Variants in ARHGAP28 observed in about 807,000 individuals in gnomAD.
The protein encoded by ARHGAP28 is Rho GTPase activating protein 28.
In ARHGAP28, 56 loss-of-function variants were observed where a neutral mutation model predicts 90.7. That is an observed-to-expected ratio of 0.62 (90% CI 0.50 to 0.77). The LOEUF (loss-of-function observed/expected upper bound fraction) is 0.77, where lower values mean the gene tolerates loss of function less well. ARHGAP28 is among the 30% of genes least tolerant of loss of function. The pLI is 0.00. For synonymous variants in ARHGAP28, 308 were observed against 323.3 expected, an observed-to-expected ratio of 0.95 and a Z score of 0.51; for missense variants, 869 against 900.9, an observed-to-expected ratio of 0.96 and a Z score of 0.45.
At chr18:6,748,696 TAGTCATTTCTCA>T (rs1266414702) in intron 1 of ARHGAP28, among the ~76,000 whole-genome samples, 4 of 152,256 alleles carry the variant, frequency 2.6e-5, no homozygotes, top group African/African-American at 9.6e-5. Context: ...TACTGTCTTC[TAGTCATTTCTCA>T]AGGAAGACAG....
rs750336492 is a variant in ARHGAP28 at position 6,908,919 on chromosome 18, GA to G, written c.2031-36del. 7 of 1,271,612 alleles carry G rather than the reference GA, an allele frequency of 5.5e-6. No individual in the cohort carries two copies. In the East Asian group the frequency reaches 1.4e-4, roughly 26 times the overall value. The allele number at this position is 1,271,612 out of a possible 1,614,324, so 78.8% of individuals were successfully genotyped here. On this transcript the variant is annotated intron_variant, in intron 16 of 17. Transcript: ENST00000383472. ...AACATGCATTTTTACCTCAGATCAG[GA>G]AAAAGTACTAAAATTATATTATTTT...
At position 6,877,994 on chromosome 18, in the gene ARHGAP28, A is replaced by G. The variant is rs970571018; in HGVS notation, c.1290+1786A>G. ...TATGTGCATGTGTGTGTGTGTATGT[A>G]TGTGCCTGTGTACACATGCATGCAT... On this transcript the variant is annotated intron_variant, in intron 10 of 17. Coordinates refer to ENST00000383472, the MANE Select transcript of ARHGAP28 (RefSeq NM_001366230.1). 3.9e-5 allele frequency among the ~76,000 whole-genome samples: 6 copies of G among 151,966 alleles called. 1 individual carries two copies. The highest frequency in any genetic ancestry group is 2.0e-4 in the Admixed American group (3 of 15,246).
chr18:6,888,158 C>T (rs2057236706), intron 12 of ARHGAP28, among the ~76,000 whole-genome samples: 1 of 152,118 alleles, frequency 6.6e-6, no homozygotes, highest in South Asian at 2.1e-4. Context: ...TATAGTAGAA[C>T]ATTTGATAGA....
intron 1 of ARHGAP28, among the ~76,000 whole-genome samples, chr18:6,801,227 T>C (rs929764696): frequency 1.3e-5 from 2 of 152,198 alleles, no homozygotes; most frequent in African/African-American, 4.8e-5. Flanking sequence ...TTTTTTTGCA[T>C]GTGAATTTCT....
chr18:6,839,373 A>G (rs976755343), intron 3 of ARHGAP28, among the ~76,000 whole-genome samples: 6 of 148,892 alleles, frequency 4.0e-5, no homozygotes, highest in African/African-American at 1.5e-4. Flanking sequence ...GGCTCACTGC[A>G]AGCTCCGCCT....
At chr18:6,753,179 A>AT (rs1367823021) in intron 1 of ARHGAP28, among the ~76,000 whole-genome samples, 2 of 152,086 alleles carry the variant, frequency 1.3e-5, no homozygotes, top group African/African-American at 2.4e-5. Flanking sequence ...TTTATTTTGT[A>AT]TTTTTTTAAG....
At chr18:6,879,679 C>G (rs2057161923) in intron 10 of ARHGAP28, among the ~76,000 whole-genome samples, 1 of 152,220 alleles carries the variant, frequency 6.6e-6, no homozygotes, top group Non-Finnish European at 1.5e-5. Flanking sequence ...GTGGGATTCC[C>G]ATAGTAATGA....
At chr18:6,839,741 A>G (rs531728236) in intron 3 of ARHGAP28, among the ~76,000 whole-genome samples, 12 of 152,274 alleles carry the variant, frequency 7.9e-5, no homozygotes, top group Admixed American at 5.9e-4. Context: ...TTTATTGACA[A>G]ATTTGTTTCA....
At chr18:6,902,296 A>G (rs1354314811) in intron 16 of ARHGAP28, among the ~76,000 whole-genome samples, 1 of 152,214 alleles carries the variant, frequency 6.6e-6, no homozygotes, top group Non-Finnish European at 1.5e-5. Flanking sequence ...CAAATGTACT[A>G]TATTAATATT....
intron 1 of ARHGAP28, among the ~76,000 whole-genome samples, chr18:6,757,171 AT>A (rs1375335887): frequency 6.6e-6 from 1 of 152,256 alleles, no homozygotes; most frequent in Non-Finnish European, 1.5e-5. Context: ...GACCTGCTTA[AT>A]AGTTATCACA....
In ARHGAP28 at chr18:6,837,302, C is replaced by T. The variant is rs942558796; in HGVS notation, c.431C>T (p.Thr144Ile). Residue 144 changes from threonine (T) to isoleucine (I), a missense_variant, in exon 3 of 18, where the codon ACC becomes ATC. Coordinates refer to ENST00000383472, the MANE Select transcript of ARHGAP28 (RefSeq NM_001366230.1). ...GKALLSTLTRTQAAAVQKRYH... is the reference protein window; with the variant it reads ...GKALLSTLTRIQAAAVQKRYH... ...GCCTTGCTCTCCACATTGACTCGAA[C>T]CCAAGCAGCTGCCGTGCAAAAGAGA... The T allele has an allele frequency of 6.2e-7, 1 of 1,613,072 alleles. No homozygotes were observed. Among genetic ancestry groups the T allele is most frequent in the Non-Finnish European group, 8.5e-7 (1 of 1,179,640 alleles).
chr18:6,784,412 A>C (rs1165689628), intron 1 of ARHGAP28, among the ~76,000 whole-genome samples: 1 of 152,082 alleles, frequency 6.6e-6, no homozygotes, highest in African/African-American at 2.4e-5. Context: ...TCTGAATGTA[A>C]TCGCTTTCAT....
chr18:6,753,153 A>T (rs1172006860), intron 1 of ARHGAP28, among the ~76,000 whole-genome samples: 1 of 152,188 alleles, frequency 6.6e-6, no homozygotes, highest in African/African-American at 2.4e-5. Flanking sequence ...ACCCAGTTTG[A>T]AATGGTACCA....
Position 6,870,799 on chromosome 18 carries a change from C to A in ARHGAP28, c.954+67C>A. ...ACTTCATAGGACAAAACTAAGATTTCTTTTTCTTTTTTTTTTTTGAGACGG... is the reference window on the plus strand; with the variant it reads ...ACTTCATAGGACAAAACTAAGATTTATTTTTCTTTTTTTTTTTTGAGACGG... On this transcript the variant is annotated intron_variant, in intron 7 of 17. Transcript: ENST00000383472. 6.8e-6 allele frequency: 10 copies of A among 1,469,026 alleles called. No homozygotes were observed. In the South Asian group the frequency reaches 1.3e-4, roughly 19 times the overall value. 91.0% of individuals were successfully genotyped at this position (1,469,026 alleles called of 1,614,324 possible).
At position 6,913,483 on chromosome 18, in the gene ARHGAP28, A is replaced by G. The variant is rs1358124825; in HGVS notation, c.*1329A>G. ...TTTTGATGAATTTATATTGGTTTTA[A>G]TGAGACCCAAATGACTCTCTCTTAA... is the stretch of plus-strand genomic sequence containing the variant. On this transcript the variant is annotated 3_prime_UTR_variant, in exon 18 of 18. Coordinates refer to ENST00000383472, the MANE Select transcript of ARHGAP28 (RefSeq NM_001366230.1). 6.6e-6 allele frequency: 1 copy of G among 152,138 alleles called. No homozygotes were observed. The highest frequency in any genetic ancestry group is 1.9e-4 in the East Asian group (1 of 5,192). 9.4% of individuals were successfully genotyped at this position (152,138 alleles called of 1,614,324 possible). A position where few individuals can be genotyped will look rare whatever the true frequency, so the allele number is the denominator to read the frequency against.
chr18:6,879,635 G>A (rs540864307), intron 10 of ARHGAP28, among the ~76,000 whole-genome samples: 7 of 152,284 alleles, frequency 4.6e-5, no homozygotes, highest in African/African-American at 1.7e-4. Flanking sequence ...AGTATGACGC[G>A]GTATTATTCC....
intron 1 of ARHGAP28, among the ~76,000 whole-genome samples, chr18:6,744,201 G>T (rs1031678721): frequency 2.6e-5 from 4 of 152,150 alleles, no homozygotes; most frequent in Admixed American, 2.6e-4. Flanking sequence ...TTAAGAGTTG[G>T]AAGAGTGTTT....
chr18:6,753,756 C>T (rs1388071118), intron 1 of ARHGAP28, among the ~76,000 whole-genome samples: 1 of 152,146 alleles, frequency 6.6e-6, no homozygotes, highest in African/African-American at 2.4e-5. Context: ...CTGTATGTTC[C>T]GATTCTCTAG....
chr18:6,772,593 C>T (rs994414782), intron 1 of ARHGAP28, among the ~76,000 whole-genome samples: 1 of 152,208 alleles, frequency 6.6e-6, no homozygotes, highest in Middle Eastern at 3.4e-3. Flanking sequence ...GAGGATTTAA[C>T]GAACTATATG....
Sources: allele counts gnomAD v4.1 joint callset (sites outside exome capture counted in the v4.1 genomes callset), GRCh38; gene constraint gnomAD v4.1.1; transcripts MANE v1.5; gene names NCBI Gene and HGNC (gene_info 2026-07-23, HGNC 2026-07-21).